Variants in NCAM2 observed in about 807,000 individuals in gnomAD.
The protein encoded by NCAM2 is neural cell adhesion molecule 2.
In NCAM2, 30 loss-of-function variants were observed where a neutral mutation model predicts 98.1. The observed-to-expected ratio is 0.31, with a 90% confidence interval of 0.23 to 0.41. NCAM2 has a LOEUF of 0.41. NCAM2 is among the 10% of genes least tolerant of loss of function. The pLI, the probability that NCAM2 is intolerant of heterozygous loss-of-function variation, is 1.00. For missense variants in NCAM2, 867 were observed against 1,005.8 expected, an observed-to-expected ratio of 0.86 and a Z score of 1.87; for synonymous variants, 368 against 342.4, an observed-to-expected ratio of 1.07 and a Z score of -0.83.
At chr21:21,276,487 T>C (rs1443347122) in intron 1 of NCAM2, among the ~76,000 whole-genome samples, 2 of 152,100 alleles carry the variant, frequency 1.3e-5, no homozygotes, top group East Asian at 3.9e-4. Context: ...GTAAGAAATT[T>C]GTGATGATAT....
intron 15 of NCAM2, among the ~76,000 whole-genome samples, chr21:21,491,901 A>T (rs1043513586): frequency 1.3e-5 from 2 of 151,640 alleles, no homozygotes; most frequent in African/African-American, 2.4e-5. Flanking sequence ...TTTGAAACAT[A>T]CACCAGAACA....
intron 1 of NCAM2, among the ~76,000 whole-genome samples, chr21:21,257,944 A>G (rs2071739547): frequency 6.6e-6 from 1 of 152,236 alleles, no homozygotes; most frequent in Admixed American, 6.5e-5. Flanking sequence ...TGAGATCCAC[A>G]TATGTAGGCT....
At chr21:21,418,443 T>C in intron 10 of NCAM2, 30 bp from the exon 11 acceptor site, 1 of 1,507,718 alleles carries the variant, frequency 6.6e-7, no homozygotes, top group Non-Finnish European at 9.2e-7. Flanking sequence ...TGTTTTAGAA[T>C]TGTAACATTT....
At chr21:21,534,992 T>C (rs1242616295) in intron 17 of NCAM2, among the ~76,000 whole-genome samples, 1 of 152,144 alleles carries the variant, frequency 6.6e-6, no homozygotes, top group Non-Finnish European at 1.5e-5. Context: ...ATAAAATAAT[T>C]ATATTTACTG....
chr21:21,060,057 C>T (rs1028772050), intron 1 of NCAM2, among the ~76,000 whole-genome samples: 2 of 151,992 alleles, frequency 1.3e-5, no homozygotes, highest in Non-Finnish European at 2.9e-5. Flanking sequence ...CATGTCTGAA[C>T]TAATCTGATA....
intron 12 of NCAM2, among the ~76,000 whole-genome samples, chr21:21,452,705 TATA>T (rs1981366879): frequency 9.1e-6 from 1 of 110,186 alleles, no homozygotes; most frequent in East Asian, 2.5e-4. Flanking sequence ...ATTTTAAAAA[TATA>T]ATATATATTA....
intron 1 of NCAM2, among the ~76,000 whole-genome samples, chr21:21,264,904 A>ATG (rs1186990374): frequency 2.7e-5 from 1 of 37,532 alleles, no homozygotes; most frequent in Non-Finnish European, 4.3e-5. Flanking sequence ...GTGTGTATAT[A>ATG]TATACACATA....
chr21:21,450,619 T>A (rs1980892131), intron 12 of NCAM2, among the ~76,000 whole-genome samples: 1 of 152,116 alleles, frequency 6.6e-6, no homozygotes. Flanking sequence ...CATGAGCCAC[T>A]GTGCCCTGCC....
chr21:21,268,755 C>T (rs2072387052), intron 1 of NCAM2, among the ~76,000 whole-genome samples: 1 of 152,178 alleles, frequency 6.6e-6, no homozygotes, highest in African/African-American at 2.4e-5. Flanking sequence ...AGGAATCCCC[C>T]AAGCTTAGCT....
At chr21:21,122,265 A>G (rs1292186654) in intron 1 of NCAM2, among the ~76,000 whole-genome samples, 5 of 152,198 alleles carry the variant, frequency 3.3e-5, no homozygotes, top group Non-Finnish European at 7.3e-5. Context: ...ACCTCTTAAT[A>G]TAATCTGGTA....
chr21:21,291,664 C>T (rs2073300959), intron 4 of NCAM2, among the ~76,000 whole-genome samples: 1 of 151,592 alleles, frequency 6.6e-6, no homozygotes, highest in South Asian at 2.1e-4. Context: ...CACAGAGACG[C>T]AAAATTTTTT....
At chr21:21,435,959 C>A (rs1978314033) in intron 12 of NCAM2, among the ~76,000 whole-genome samples, 1 of 152,050 alleles carries the variant, frequency 6.6e-6, no homozygotes, top group Non-Finnish European at 1.5e-5. Context: ...GCAATGAGTA[C>A]CCAGGGAAAG....
At chr21:21,087,845 C>T (rs2065935047) in intron 1 of NCAM2, among the ~76,000 whole-genome samples, 2 of 152,142 alleles carry the variant, frequency 1.3e-5, no homozygotes, top group Non-Finnish European at 2.9e-5. Context: ...AACATAATCT[C>T]TGGCAAATCT....
At chr21:21,358,750 G>A (rs2075564376) in intron 8 of NCAM2, among the ~76,000 whole-genome samples, 1 of 151,802 alleles carries the variant, frequency 6.6e-6, no homozygotes, top group African/African-American at 2.4e-5. Flanking sequence ...ACTTTTTCTG[G>A]TACAAGTCTA....
In NCAM2 at chr21:21,342,907, C is replaced by G. The variant is rs9306016; in HGVS notation, c.1044+4373C>G. Among the ~76,000 whole-genome samples, 3 of 152,008 alleles carry G rather than the reference C, an allele frequency of 2.0e-5. No homozygotes were observed. The East Asian group carries it at 5.9e-4, about 30-fold the overall frequency. Reference sequence around the variant, plus strand: ...GCTCAGGAAAATTCAGGGGTTTGCACAAGGTCACACAGGGAGTAAGTGGCA... The same window carrying G: ...GCTCAGGAAAATTCAGGGGTTTGCAGAAGGTCACACAGGGAGTAAGTGGCA... On this transcript the variant is annotated intron_variant, in intron 8 of 17. Coordinates refer to ENST00000400546, the MANE Select transcript of NCAM2 (RefSeq NM_004540.5).
intron 16 of NCAM2, among the ~76,000 whole-genome samples, chr21:21,514,297 G>A (rs900851602): frequency 2.0e-5 from 3 of 151,086 alleles, no homozygotes; most frequent in Admixed American, 6.6e-5. Context: ...ACAACATGGC[G>A]AAACCCCATC....
At chr21:21,387,986 T>C (rs530657402) in intron 9 of NCAM2, among the ~76,000 whole-genome samples, 4 of 152,278 alleles carry the variant, frequency 2.6e-5, no homozygotes, top group Admixed American at 2.6e-4. Context: ...ACGATAATTA[T>C]CACGTTGGAA....
chr21:21,020,024 C>G (rs1179535018), intron 1 of NCAM2, among the ~76,000 whole-genome samples: 1 of 151,908 alleles, frequency 6.6e-6, no homozygotes, highest in Non-Finnish European at 1.5e-5. Flanking sequence ...TTTCTTTTTT[C>G]TTTTCCTATT....
At chr21:21,182,451 G>A (rs571629641) in intron 1 of NCAM2, among the ~76,000 whole-genome samples, 1 of 152,166 alleles carries the variant, frequency 6.6e-6, no homozygotes, top group South Asian at 2.1e-4. Context: ...TGTGTTTTCA[G>A]ATGAAATGAA....
Sources: gnomAD v4.1 joint callset for allele counts (sites outside exome capture counted in the v4.1 genomes callset) on GRCh38, gnomAD v4.1.1 for gene constraint, MANE v1.5 for transcripts, NCBI Gene and HGNC (gene_info 2026-07-23, HGNC 2026-07-21) for gene names.